Variants in DPP6 observed in about 807,000 individuals in gnomAD.
The protein encoded by DPP6 is dipeptidyl peptidase like 6.
Under a neutral mutation model 122.6 loss-of-function variants are expected in DPP6, and 69 were observed. That is an observed-to-expected ratio of 0.56 (90% CI 0.46 to 0.69). The LOEUF is 0.69. Among genes scored for constraint, DPP6 ranks in the 30% least tolerant of loss-of-function variants. The pLI is 0.00. For missense variants in DPP6, 928 were observed against 1,116.9 expected (o/e 0.83, Z 2.41); for synonymous variants, 418 against 433.1 (o/e 0.97, Z 0.43).
chr7:154,169,457 A>C (rs935554539), intron 1 of DPP6, among the ~76,000 whole-genome samples: 41 of 152,138 alleles, frequency 2.7e-4, no homozygotes, highest in African/African-American at 9.7e-4. Context: ...ACCTGGGCTT[A>C]AGTTGCAGCA....
intron 5 of DPP6, among the ~76,000 whole-genome samples, chr7:154,584,263 T>C (rs988776919): frequency 4.6e-5 from 7 of 152,212 alleles, no homozygotes; most frequent in African/African-American, 1.7e-4. Flanking sequence ...CTGTTCCCTC[T>C]GCTGGGAGCA....
intron 1 of DPP6, among the ~76,000 whole-genome samples, chr7:153,955,856 C>G (rs1324866901): frequency 6.6e-6 from 1 of 152,172 alleles, no homozygotes; most frequent in African/African-American, 2.4e-5. Context: ...ATTTCAGAGT[C>G]TACACTCTTA....
chr7:154,809,265 A>T lies in DPP6; in HGVS notation c.1666+2153A>T, dbSNP rs114961821. ...GGGTTTCTTTTTTTAAAAAAAAAAA[A>T]GAAGAAGAAGGGTTTGGAATGGGGA... On this transcript the variant is annotated intron_variant, in intron 16 of 25. Coordinates refer to ENST00000377770, the MANE Select transcript of DPP6 (RefSeq NM_130797.4). Among the ~76,000 whole-genome samples, 1,367 of 150,800 alleles carry T rather than the reference A, an allele frequency of 9.1e-3. 27 individuals carry two copies. The highest frequency in any genetic ancestry group is 0.032 in the African/African-American group (1,317 of 40,962).
At chr7:154,773,092 A>G in intron 10 of DPP6, 150 bp downstream of exon 10, 1 of 1,120,262 alleles carries the variant, frequency 8.9e-7, no homozygotes, top group Non-Finnish European at 1.2e-6. Flanking sequence ...TCACTGCTTT[A>G]TGATTCCATT....
intron 1 of DPP6, among the ~76,000 whole-genome samples, chr7:153,949,216 G>A (rs1443523996): frequency 1.3e-5 from 2 of 152,224 alleles, no homozygotes; most frequent in Non-Finnish European, 2.9e-5. Context: ...GCTAAGTGCA[G>A]CCACAGAGAT....
At chr7:153,918,719 C>T (rs1800492978) in intron 1 of DPP6, among the ~76,000 whole-genome samples, 1 of 151,946 alleles carries the variant, frequency 6.6e-6, no homozygotes, top group African/African-American at 2.4e-5. Flanking sequence ...GTGGCTCAAG[C>T]CTGTAATCCC....
At chr7:154,083,500 C>T (rs981485901) in intron 1 of DPP6, among the ~76,000 whole-genome samples, 3 of 150,996 alleles carry the variant, frequency 2.0e-5, no homozygotes, top group Non-Finnish European at 2.9e-5. Context: ...CCCAAGCCTC[C>T]ATCATGCCCT....
At position 154,241,066 on chromosome 7, in the gene DPP6, C is replaced by T. The variant is rs542037649; in HGVS notation, c.243+188003C>T. 9.9e-5 allele frequency among the ~76,000 whole-genome samples: 15 copies of T among 152,054 alleles called. No homozygotes were observed. The highest frequency in any genetic ancestry group is 2.2e-4 in the African/African-American group (9 of 41,414). On this transcript the variant is annotated intron_variant, in intron 1 of 25. Transcript: ENST00000377770. This position sits in a 1 kb window ranked among gnomAD's most constrained non-coding sequence, Gnocchi z 9.0. Reference sequence around the variant, plus strand: ...GATTTGTTGGAATATTGTGAAGTTCCGTTGATAAATAAATTGATGAAAACC... The same window carrying T: ...GATTTGTTGGAATATTGTGAAGTTCTGTTGATAAATAAATTGATGAAAACC...
At chr7:154,494,667 A>G (rs1294737230) in intron 3 of DPP6, among the ~76,000 whole-genome samples, 1 of 152,098 alleles carries the variant, frequency 6.6e-6, no homozygotes, top group African/African-American at 2.4e-5. Flanking sequence ...TTTCCCTGAT[A>G]CCTCATTACC....
intron 1 of DPP6, among the ~76,000 whole-genome samples, chr7:154,139,180 C>T (rs1041960646): frequency 2.7e-5 from 4 of 150,740 alleles, no homozygotes; most frequent in Non-Finnish European, 2.9e-5. Context: ...GAGGCTGAGT[C>T]GCATGCAGGC....
At chr7:153,772,937 C>A in the DPP6 span, among the ~76,000 whole-genome samples, 1 of 138,970 alleles carries the variant, frequency 7.2e-6, no homozygotes. Flanking sequence ...AAAGAAAAGA[C>A]TTTTATATAT....
chr7:154,512,156 G>T (rs1826138851), intron 3 of DPP6, among the ~76,000 whole-genome samples: 1 of 152,138 alleles, frequency 6.6e-6, no homozygotes, highest in Admixed American at 6.5e-5. Context: ...TATACTTTTA[G>T]ATGTAATTGT....
intron 10 of DPP6, among the ~76,000 whole-genome samples, chr7:154,781,204 A>T (rs762953981): frequency 6.6e-6 from 1 of 152,148 alleles, no homozygotes; most frequent in Non-Finnish European, 1.5e-5. Context: ...ATGGATGGAC[A>T]GACTGATGGA....
chr7:154,282,583 C>T lies in DPP6; in HGVS notation c.244-163631C>T, dbSNP rs1804592921. 6.6e-6 allele frequency among the ~76,000 whole-genome samples: 1 copy of T among 152,136 alleles called. No homozygotes were observed. The highest frequency in any genetic ancestry group is 1.5e-5 in the Non-Finnish European group (1 of 68,032). ...GAAGGGGATGGGATGCAGCCCAGGG[C>T]CTCCCTGCCCATGGCATTTTCTCAG... On this transcript the variant is annotated intron_variant, in intron 1 of 25. Transcript: ENST00000377770. This position sits in a 1 kb window ranked among gnomAD's most constrained non-coding sequence, Gnocchi z 4.8.
At chr7:154,665,070 A>T (rs769219149) in intron 6 of DPP6, among the ~76,000 whole-genome samples, 3 of 152,008 alleles carry the variant, frequency 2.0e-5, no homozygotes, top group Non-Finnish European at 4.4e-5. Context: ...CATTTCCTCC[A>T]TTTCTCCTTG....
intron 1 of DPP6, among the ~76,000 whole-genome samples, chr7:154,276,929 A>G (rs772911012): frequency 1.3e-5 from 2 of 152,164 alleles, no homozygotes; most frequent in Non-Finnish European, 2.9e-5. Context: ...CAACACACAT[A>G]TTCTTCTCCA....
chr7:153,809,374 C>T, the DPP6 span, among the ~76,000 whole-genome samples: 1 of 152,152 alleles, frequency 6.6e-6, no homozygotes, highest in South Asian at 2.1e-4. Flanking sequence ...AGTTCTACAT[C>T]ATGTCTGCTC....
At chr7:154,501,700 T>C (rs1013622933) in intron 3 of DPP6, among the ~76,000 whole-genome samples, 5 of 152,096 alleles carry the variant, frequency 3.3e-5, no homozygotes, top group African/African-American at 9.7e-5. Context: ...GCTGCAGGGG[T>C]GGGGCCCTCA....
the DPP6 span, among the ~76,000 whole-genome samples, chr7:153,818,269 G>A: frequency 1.1e-4 from 16 of 152,146 alleles, no homozygotes; most frequent in Non-Finnish European, 2.1e-4. Context: ...ACACTGTGAT[G>A]GGCTGGAGAC....
Sources: allele counts gnomAD v4.1 joint callset (sites outside exome capture counted in the v4.1 genomes callset), GRCh38; gene constraint gnomAD v4.1.1; non-coding constraint Gnocchi (gnomAD v3.1); transcripts MANE v1.5; gene names NCBI Gene and HGNC (gene_info 2026-07-23, HGNC 2026-07-21).